The following CACNA1D variants were observed in gnomAD, a reference collection of about 807,000 sequenced individuals.
The protein encoded by CACNA1D is calcium voltage-gated channel subunit alpha1 D.
A neutral mutation model predicts 257.1 loss-of-function variants in CACNA1D; 55 were observed. That is an observed-to-expected ratio of 0.21 (90% CI 0.17 to 0.27). The LOEUF (loss-of-function observed/expected upper bound fraction) is 0.27. Among genes scored for constraint, CACNA1D ranks in the 10% least tolerant of loss-of-function variants. The pLI is 1.00. For missense variants in CACNA1D, 1,876 were observed against 2,784.0 expected (o/e 0.67, Z 7.34); for synonymous variants, 980 against 1,014.9 (o/e 0.97, Z 0.65).
intron 4 of CACNA1D, among the ~76,000 whole-genome samples, chr3:53,658,163 C>T (rs904363912): frequency 6.6e-6 from 1 of 151,464 alleles, no homozygotes; most frequent in Non-Finnish European, 1.5e-5. Context: ...CCTTTCTCAT[C>T]CTGTCCTTAT....
In CACNA1D at chr3:53,751,988, G is replaced by A; in HGVS notation, c.3675+81G>A. The stretch of plus-strand genomic sequence containing the variant: ...CCCCAAATGCTGAGGGTGGAATGCT[G>A]CCCCTCACAGGAGGGGTTTGATTTT... On this transcript the variant is annotated intron_variant, in intron 28 of 47. Transcript: ENST00000350061. This position sits in a 1 kb window ranked among gnomAD's most constrained non-coding sequence, Gnocchi z 4.3. The A allele has an allele frequency of 3.6e-6, 5 of 1,378,514 alleles. No homozygotes were observed. Among genetic ancestry groups the A allele is most frequent in the African/African-American group, 1.4e-5 (1 of 70,388 alleles). 85.4% of individuals were successfully genotyped at this position (1,378,514 alleles called of 1,614,324 possible).
At chr3:53,622,260 AGGCTGATCT>A (rs2093704877) in intron 3 of CACNA1D, among the ~76,000 whole-genome samples, 1 of 152,208 alleles carries the variant, frequency 6.6e-6, no homozygotes, top group Admixed American at 6.5e-5. Flanking sequence ...CATGTTGGCC[AGGCTGATCT>A]TGAACTCCTG....
intron 9 of CACNA1D, among the ~76,000 whole-genome samples, chr3:53,716,580 C>T (rs1488659940): frequency 1.3e-5 from 1 of 77,302 alleles, no homozygotes; most frequent in Admixed American, 1.5e-4. Context: ...TTGTTTTTGT[C>T]CAGTTTTTTT....
chr3:53,520,152 G>A (rs145772836), intron 3 of CACNA1D, among the ~76,000 whole-genome samples: 1 of 152,230 alleles, frequency 6.6e-6, no homozygotes, highest in South Asian at 2.1e-4. Flanking sequence ...AATTCTCTTG[G>A]CTATATTCCT....
intron 3 of CACNA1D, among the ~76,000 whole-genome samples, chr3:53,539,158 G>A (rs1004314016): frequency 6.6e-6 from 1 of 151,990 alleles, no homozygotes; most frequent in Non-Finnish European, 1.5e-5. Context: ...CGCCCAGGCT[G>A]GAGTGCAGTG....
chr3:53,786,992 G>T, intron 40 of CACNA1D, 40 bp downstream of exon 40: 2 of 1,606,066 alleles, frequency 1.2e-6, no homozygotes, highest in Middle Eastern at 1.7e-4. Flanking sequence ...TTTGACTAAC[G>T]ATTTTACAAG....
rs1178626221 is a variant in CACNA1D at position 53,511,103 on chromosome 3, C to T, written c.483+9383C>T. Among the ~76,000 whole-genome samples, 7 of 152,214 alleles carry T rather than the reference C, an allele frequency of 4.6e-5. 1 individual carries two copies. The South Asian group carries it at 6.2e-4, about 14-fold the overall frequency. On this transcript the variant is annotated intron_variant, in intron 3 of 47. Transcript: ENST00000350061. ...AGTTGGGGAAGAAGAATATCCAATC[C>T]GGTATGTCTCTGATGTCCCGTGTTC...
intron 3 of CACNA1D, among the ~76,000 whole-genome samples, chr3:53,633,367 G>T (rs1197144115): frequency 6.6e-6 from 1 of 152,196 alleles, no homozygotes; most frequent in African/African-American, 2.4e-5. Context: ...TGTACTTACG[G>T]TCCCGGCTGC....
At chr3:53,502,451 T>C (rs1007311263) in intron 3 of CACNA1D, among the ~76,000 whole-genome samples, 17 of 151,908 alleles carry the variant, frequency 1.1e-4, no homozygotes, top group Admixed American at 3.3e-4. Context: ...AAGTAATCAG[T>C]CATGAATTCT....
chr3:53,561,815 T>TAA (rs945218129), intron 3 of CACNA1D, among the ~76,000 whole-genome samples: 4 of 152,232 alleles, frequency 2.6e-5, no homozygotes, highest in African/African-American at 9.6e-5. Flanking sequence ...CTGAAAATGG[T>TAA]AAAGCATTTC....
At chr3:53,759,442 G>A (rs2095287072) in intron 29 of CACNA1D, among the ~76,000 whole-genome samples, 1 of 152,240 alleles carries the variant, frequency 6.6e-6, no homozygotes, top group Non-Finnish European at 1.5e-5. Flanking sequence ...GAGAGAAGCG[G>A]CGCACACGGT....
chr3:53,722,573 C>T (rs978410784), intron 12 of CACNA1D, 99 bp downstream of exon 12: 124 of 1,212,464 alleles, frequency 1.0e-4, no homozygotes, highest in South Asian at 7.1e-4. Context: ...GATGAAGTAT[C>T]GCAACATTTC....
intron 40 of CACNA1D, chr3:53,796,360 C>A (rs576555594): frequency 1.3e-5 from 6 of 455,958 alleles, no homozygotes; most frequent in Middle Eastern, 3.2e-4. Flanking sequence ...CTGGCCCAGT[C>A]CCGACTAGAG....
intron 4 of CACNA1D, among the ~76,000 whole-genome samples, chr3:53,656,663 C>T (rs1292686153): frequency 6.6e-6 from 1 of 152,118 alleles, no homozygotes; most frequent in Non-Finnish European, 1.5e-5. Context: ...AAAATATTCA[C>T]AATACATACA....
chr3:53,618,878 G>A lies in CACNA1D; in HGVS notation c.484-31901G>A, dbSNP rs191624153. Among the ~76,000 whole-genome samples, 15 of 152,190 alleles carry A rather than the reference G, an allele frequency of 9.9e-5. No homozygotes were observed. The East Asian group carries it at 2.9e-3, about 29-fold the overall frequency. On this transcript the variant is annotated intron_variant, in intron 3 of 47. Coordinates refer to ENST00000350061, the MANE Select transcript of CACNA1D (RefSeq NM_001128840.3). ...GCTGCTCCCTAGCTGTGTGACCTCG[G>A]GCAAGTCACTTCACCTCTTTGACCT...
At position 53,518,448 on chromosome 3, in the gene CACNA1D, G is replaced by A. The variant is rs1019263967; in HGVS notation, c.483+16728G>A. On this transcript the variant is annotated intron_variant, in intron 3 of 47. Coordinates refer to ENST00000350061, the MANE Select transcript of CACNA1D (RefSeq NM_001128840.3). ...GATTGCTTTGCCTGTTTTCCTAATA[G>A]GTGTCCGGTGGTCTCTCTTTCCAAT... is the stretch of plus-strand genomic sequence containing the variant. Among the ~76,000 whole-genome samples the A allele has an allele frequency of 5.3e-5, 8 of 152,144 alleles. No individual in the cohort carries two copies. The South Asian group carries it at 8.3e-4, about 16-fold the overall frequency.
intron 3 of CACNA1D, among the ~76,000 whole-genome samples, chr3:53,542,718 C>T (rs1003157454): frequency 2.6e-5 from 4 of 152,084 alleles, no homozygotes; most frequent in African/African-American, 9.7e-5. Flanking sequence ...TTTGTGATTC[C>T]CTTCTCCACT....
At chr3:53,714,383 C>T (rs183593535) in intron 9 of CACNA1D, among the ~76,000 whole-genome samples, 1 of 152,184 alleles carries the variant, frequency 6.6e-6, no homozygotes, top group Non-Finnish European at 1.5e-5. Flanking sequence ...CTATGGAAGC[C>T]AGTTAGGAGA....
intron 3 of CACNA1D, among the ~76,000 whole-genome samples, chr3:53,605,337 T>G (rs2093495373): frequency 6.6e-6 from 1 of 152,208 alleles, no homozygotes; most frequent in Non-Finnish European, 1.5e-5. Context: ...CTTTCATCTT[T>G]CCAGGAATGT....
Sources: gnomAD v4.1 joint callset for allele counts (sites outside exome capture counted in the v4.1 genomes callset) on GRCh38, gnomAD v4.1.1 for gene constraint, Gnocchi (gnomAD v3.1) non-coding constraint, MANE v1.5 for transcripts, NCBI Gene and HGNC (gene_info 2026-07-23, HGNC 2026-07-21) for gene names.